Variants in PRKG2 observed in about 807,000 individuals in gnomAD.
PRKG2 encodes protein kinase cGMP-dependent 2.
A neutral mutation model predicts 97.2 loss-of-function variants in PRKG2; 33 were observed. The observed-to-expected ratio is 0.34, with a 90% CI of 0.26 to 0.45. PRKG2 has a LOEUF of 0.45. Ranked by LOEUF, PRKG2 falls within the 20% of genes least tolerant of loss-of-function variation. PRKG2 has a pLI of 1.00. For missense variants in PRKG2, 638 were observed against 900.0 expected (o/e 0.71, Z 3.73); for synonymous variants, 330 against 321.8 (o/e 1.03, Z -0.27).
chr4:81,144,404 T>A, intron 9 of PRKG2, 74 bp from the exon 10 acceptor site: 1 of 1,187,816 alleles, frequency 8.4e-7, no homozygotes, highest in South Asian at 1.3e-5. Context: ...TCTAAGCTCA[T>A]AAAACACAAG....
intron 15 of PRKG2, among the ~76,000 whole-genome samples, chr4:81,109,311 T>G (rs1743674900): frequency 6.6e-6 from 1 of 152,222 alleles, no homozygotes; most frequent in Non-Finnish European, 1.5e-5. Flanking sequence ...GTGTTAAGAC[T>G]TGTATCTTCA....
intron 17 of PRKG2, among the ~76,000 whole-genome samples, chr4:81,093,637 C>CA: frequency 6.6e-6 from 1 of 152,188 alleles, no homozygotes; most frequent in South Asian, 2.1e-4. Flanking sequence ...AATGACTCTG[C>CA]AAAGAAACAC....
At chr4:81,130,187 G>C (rs947050604) in intron 14 of PRKG2, among the ~76,000 whole-genome samples, 4 of 152,098 alleles carry the variant, frequency 2.6e-5, no homozygotes. Context: ...TTTTTGGGTG[G>C]AAGTCCTTTT....
chr4:81,211,802 C>T (rs1287613356), intron 1 of PRKG2, among the ~76,000 whole-genome samples: 5 of 152,066 alleles, frequency 3.3e-5, no homozygotes. Flanking sequence ...ATAAAAGTTA[C>T]AGCTATATGT....
At chr4:81,169,622 G>T (rs749814098) in intron 5 of PRKG2, 41 bp downstream of exon 5, 3 of 1,351,532 alleles carry the variant, frequency 2.2e-6, no homozygotes, top group South Asian at 2.5e-5. Flanking sequence ...ACAATATGGC[G>T]ACTCCACTGT....
intron 6 of PRKG2, among the ~76,000 whole-genome samples, chr4:81,156,682 A>G (rs1749128383): frequency 6.6e-6 from 1 of 152,202 alleles, no homozygotes; most frequent in African/African-American, 2.4e-5. Context: ...ACTTGGAAGT[A>G]AAGCTCTCCT....
intron 9 of PRKG2, among the ~76,000 whole-genome samples, chr4:81,147,584 C>T (rs1352432083): frequency 1.3e-5 from 2 of 152,110 alleles, no homozygotes; most frequent in Non-Finnish European, 2.9e-5. Context: ...AAAACCTTGA[C>T]CACTTTACTG....
chr4:81,206,375 A>G (rs1461318595), intron 1 of PRKG2, among the ~76,000 whole-genome samples: 1 of 152,158 alleles, frequency 6.6e-6, no homozygotes, highest in Non-Finnish European at 1.5e-5. Flanking sequence ...GATCTTTCCC[A>G]TGCTGTTCTC....
chr4:81,193,025 GT>G (rs977590799), intron 2 of PRKG2: 6 of 153,154 alleles, frequency 3.9e-5, no homozygotes, highest in African/African-American at 1.4e-4. Flanking sequence ...TGTTCTCACT[GT>G]TGTTTTTTGT....
Position 81,167,218 on chromosome 4 carries a change from G to T in PRKG2, c.855C>A (p.Ser285=). 3 of 1,585,612 alleles carry T rather than the reference G, an allele frequency of 1.9e-6. No homozygotes were observed. The highest frequency in any genetic ancestry group is 1.7e-6 in the Non-Finnish European group (2 of 1,165,396). Residue 285 remains serine, a synonymous_variant, in exon 6 of 19, where the codon TCC becomes TCA. Coordinates refer to ENST00000264399, the MANE Select transcript of PRKG2 (RefSeq NM_006259.3). The stretch of plus-strand genomic sequence containing the variant: ...TATCTTCAGGTAAATTCTTCAGCAA[G>T]GATACACTTCAAAATTAAAAAGAAA... ...EQYRNFLRSV[S]LLKNLPEDKL... is the part of the protein sequence containing the mutation.
At chr4:81,154,971 G>C (rs1198089297) in intron 6 of PRKG2, among the ~76,000 whole-genome samples, 1 of 151,934 alleles carries the variant, frequency 6.6e-6, no homozygotes, top group Non-Finnish European at 1.5e-5. Flanking sequence ...TCAGGAGATC[G>C]AGACCATCCC....
chr4:81,205,299 T>C (rs942417723), intron 1 of PRKG2, among the ~76,000 whole-genome samples: 1 of 152,106 alleles, frequency 6.6e-6, no homozygotes, highest in Non-Finnish European at 1.5e-5. Flanking sequence ...TTTGAGAGCA[T>C]AAGTATCACA....
chr4:81,153,827 G>A, intron 6 of PRKG2, 106 bp from the exon 7 acceptor site: 2 of 755,488 alleles, frequency 2.6e-6, no homozygotes, highest in East Asian at 2.7e-5. Flanking sequence ...GCAGAAGACG[G>A]GTGATTTCTG....
At chr4:81,132,568 A>C (rs1053615154) in intron 14 of PRKG2, among the ~76,000 whole-genome samples, 1 of 152,136 alleles carries the variant, frequency 6.6e-6, no homozygotes, top group African/African-American at 2.4e-5. Flanking sequence ...GAACAGCTGT[A>C]TTACAGCTGT....
chr4:81,130,765 G>C (rs771903630), intron 14 of PRKG2, among the ~76,000 whole-genome samples: 1 of 152,084 alleles, frequency 6.6e-6, no homozygotes, highest in Non-Finnish European at 1.5e-5. Flanking sequence ...CAACTTCCCC[G>C]CGGCTTTGTT....
chr4:81,153,901 T>A (rs1350818038), intron 6 of PRKG2, among the ~76,000 whole-genome samples, 180 bp from the exon 7 acceptor site: 1 of 152,058 alleles, frequency 6.6e-6, no homozygotes, highest in Non-Finnish European at 1.5e-5. Context: ...CACAGGTCAG[T>A]GGGTGCGCGC....
In PRKG2 at chr4:81,093,222, C is replaced by T. The variant is rs549483269; in HGVS notation, c.2127-770G>A. On this transcript the variant is annotated intron_variant, in intron 17 of 18. Coordinates refer to ENST00000264399, the MANE Select transcript of PRKG2 (RefSeq NM_006259.3). The stretch of plus-strand genomic sequence containing the variant: ...ACTAGGGTTGTTCCCACTTTAAGGC[C>T]TTTGTACTCAAGGCTGGATTGTTCT... Among the ~76,000 whole-genome samples the T allele has an allele frequency of 2.0e-5, 3 of 152,120 alleles. No individual in the cohort carries two copies. The South Asian group carries it at 6.2e-4, about 32-fold the overall frequency.
At chr4:81,216,243 T>C (rs937630931), upstream of PRKG2, among the ~76,000 whole-genome samples, 5 of 152,160 alleles carry the variant, frequency 3.3e-5, no homozygotes, top group African/African-American at 1.2e-4. Flanking sequence ...ATGAGACCAT[T>C]AAGTTTCAGA....
chr4:81,170,899 G>A (rs79657537), intron 4 of PRKG2, among the ~76,000 whole-genome samples: 16,577 of 152,126 alleles, frequency 0.11, 1,103 homozygotes, highest in Middle Eastern at 0.21. Context: ...CCAAAGGCAT[G>A]TGTCTATGTA....
Sources: allele counts gnomAD v4.1 joint callset (sites outside exome capture counted in the v4.1 genomes callset), GRCh38; gene constraint gnomAD v4.1.1; transcripts MANE v1.5; gene names NCBI Gene and HGNC (gene_info 2026-07-23, HGNC 2026-07-21).